The following NXPH1 variants were observed in gnomAD, a reference collection of about 807,000 sequenced individuals.
NXPH1 encodes neurexophilin-1.
A neutral mutation model predicts 23.7 loss-of-function variants in NXPH1; 5 were observed. The observed-to-expected ratio is 0.21, with a 90% CI of 0.11 to 0.44. The LOEUF (loss-of-function observed/expected upper bound fraction) is 0.44. Ranked by LOEUF, NXPH1 falls within the 20% of genes least tolerant of loss-of-function variation. The pLI is 0.99. For missense variants in NXPH1, 324 were observed against 321.6 expected, an observed-to-expected ratio of 1.01 and a Z score of -0.06; for synonymous variants, 144 against 122.2, an observed-to-expected ratio of 1.18 and a Z score of -1.18.
At chr7:8,502,990 A>G (rs1243762787) in intron 2 of NXPH1, among the ~76,000 whole-genome samples, 1 of 151,980 alleles carries the variant, frequency 6.6e-6, no homozygotes, top group Admixed American at 6.6e-5. Context: ...AAGACCACAT[A>G]TTGCAGGAGC....
intron 2 of NXPH1, among the ~76,000 whole-genome samples, chr7:8,491,415 A>G (rs1036538483): frequency 6.6e-6 from 1 of 152,050 alleles, no homozygotes; most frequent in Non-Finnish European, 1.5e-5. Flanking sequence ...TGTGAAGGGC[A>G]TGAAGAAATG....
chr7:8,632,455 T>C (rs1368937838), intron 2 of NXPH1, among the ~76,000 whole-genome samples: 1 of 152,190 alleles, frequency 6.6e-6, no homozygotes, highest in African/African-American at 2.4e-5. Flanking sequence ...CATTTCTGAC[T>C]ACTTCGAGGG....
intron 2 of NXPH1, among the ~76,000 whole-genome samples, chr7:8,656,731 C>T (rs1487389451): frequency 6.8e-6 from 1 of 147,602 alleles, no homozygotes; most frequent in Non-Finnish European, 1.5e-5. Context: ...GTGTGATGTT[C>T]CCCTTCCTGT....
chr7:8,559,957 A>C (rs554138587), intron 2 of NXPH1, among the ~76,000 whole-genome samples: 4 of 151,824 alleles, frequency 2.6e-5, no homozygotes, highest in African/African-American at 9.6e-5. Flanking sequence ...GATTATTGAT[A>C]TCTACCATGA....
chr7:8,629,691 A>G (rs1029135221), intron 2 of NXPH1, among the ~76,000 whole-genome samples: 3 of 152,174 alleles, frequency 2.0e-5, no homozygotes, highest in Non-Finnish European at 4.4e-5. Context: ...TTGCTGTCCA[A>G]ACGCTGAAGT....
chr7:8,565,423 A>T (rs1818523960), intron 2 of NXPH1, among the ~76,000 whole-genome samples: 1 of 151,792 alleles, frequency 6.6e-6, no homozygotes, highest in Non-Finnish European at 1.5e-5. Flanking sequence ...TAGAATCTAG[A>T]TTTGTTGCTT....
chr7:8,694,591 T>C (rs1289376166), intron 2 of NXPH1, among the ~76,000 whole-genome samples: 1 of 152,244 alleles, frequency 6.6e-6, no homozygotes, highest in Non-Finnish European at 1.5e-5. Flanking sequence ...ATAACACATC[T>C]ATTTTTTTCA....
chr7:8,701,041 A>G (rs1779616400), intron 2 of NXPH1, among the ~76,000 whole-genome samples: 1 of 151,802 alleles, frequency 6.6e-6, no homozygotes, highest in African/African-American at 2.4e-5. Flanking sequence ...CACTCTCTCA[A>G]CTCCTAATCT....
intron 2 of NXPH1, among the ~76,000 whole-genome samples, chr7:8,705,641 C>A (rs563088353): frequency 6.6e-6 from 1 of 152,090 alleles, no homozygotes; most frequent in Non-Finnish European, 1.5e-5. Flanking sequence ...GTCCCATATG[C>A]GGTTTCTTTA....
intron 2 of NXPH1, among the ~76,000 whole-genome samples, chr7:8,581,388 C>T (rs967121790): frequency 9.2e-5 from 14 of 152,052 alleles, no homozygotes; most frequent in African/African-American, 3.1e-4. Context: ...ACAATCATGA[C>T]GGAAAGCAAA....
chr7:8,605,829 A>T (rs1172521592), intron 2 of NXPH1, among the ~76,000 whole-genome samples: 3 of 152,062 alleles, frequency 2.0e-5, no homozygotes, highest in Non-Finnish European at 4.4e-5. Context: ...GTTTCAGAAG[A>T]TCTTAATATT....
intron 2 of NXPH1, among the ~76,000 whole-genome samples, chr7:8,599,025 G>A (rs972864850): frequency 2.0e-5 from 3 of 152,104 alleles, no homozygotes; most frequent in African/African-American, 4.8e-5. Context: ...GGGTATAATT[G>A]GATGAATCAG....
At chr7:8,592,228 G>T (rs894156921) in intron 2 of NXPH1, among the ~76,000 whole-genome samples, 2 of 151,960 alleles carry the variant, frequency 1.3e-5, no homozygotes, top group African/African-American at 4.8e-5. Context: ...ACTCATTATG[G>T]GACATGATGT....
chr7:8,596,696 T>A (rs1819232355), intron 2 of NXPH1, among the ~76,000 whole-genome samples: 1 of 152,150 alleles, frequency 6.6e-6, no homozygotes, highest in Non-Finnish European at 1.5e-5. Context: ...ATCCTTATTT[T>A]ACAGTTAAGA....
At chr7:8,522,806 C>G (rs1000521009) in intron 2 of NXPH1, among the ~76,000 whole-genome samples, 6 of 152,188 alleles carry the variant, frequency 3.9e-5, no homozygotes, top group African/African-American at 1.4e-4. Context: ...CCCTGTCCTT[C>G]TGGTGGAGAC....
In NXPH1 at chr7:8,701,723, T is replaced by C. The variant is rs1308172348; in HGVS notation, c.55-49285T>C. ...TTCCCCATTTTGTATCCTCAGAACC[T>C]AGCATTTGTTACAAAGATAGTCAGT... On this transcript the variant is annotated intron_variant, in intron 2 of 2. Coordinates refer to ENST00000405863, the MANE Select transcript of NXPH1 (RefSeq NM_152745.3). 2.6e-5 allele frequency among the ~76,000 whole-genome samples: 4 copies of C among 152,118 alleles called. No homozygotes were observed. The East Asian group carries it at 7.7e-4, about 29-fold the overall frequency.
At chr7:8,666,834 T>C (rs1277394567) in intron 2 of NXPH1, among the ~76,000 whole-genome samples, 6 of 152,076 alleles carry the variant, frequency 3.9e-5, no homozygotes, top group Non-Finnish European at 5.9e-5. Flanking sequence ...CATAATAGTC[T>C]CTTATGATCT....
At chr7:8,744,866 C>G (rs974336942) in intron 2 of NXPH1, among the ~76,000 whole-genome samples, 6 of 152,196 alleles carry the variant, frequency 3.9e-5, no homozygotes, top group Admixed American at 1.3e-4. Context: ...CTCTTTTTCT[C>G]TGCTACTGTT....
At chr7:8,581,001 A>G (rs1818858026) in intron 2 of NXPH1, among the ~76,000 whole-genome samples, 1 of 152,120 alleles carries the variant, frequency 6.6e-6, no homozygotes, top group African/African-American at 2.4e-5. Context: ...AGAAATGCTA[A>G]ATCCCTGAGC....
Sources: gnomAD v4.1 joint callset for allele counts (sites outside exome capture counted in the v4.1 genomes callset) on GRCh38, gnomAD v4.1.1 for gene constraint, MANE v1.5 for transcripts, NCBI Gene and HGNC (gene_info 2026-07-23, HGNC 2026-07-21) for gene names.